Variants in MTUS1 observed in about 807,000 individuals in gnomAD.
The protein encoded by MTUS1 is microtubule associated scaffold protein 1.
MTUS1 carries 109 observed loss-of-function variants against 120.8 expected under a neutral mutation model. The observed-to-expected ratio is 0.90, with a 90% CI of 0.77 to 1.06. MTUS1 has a LOEUF of 1.06. Among genes scored for constraint, MTUS1 ranks in the 50% least tolerant of loss-of-function variants. The pLI, the probability that MTUS1 is intolerant of heterozygous loss-of-function variation, is 0.00. For synonymous variants in MTUS1, 737 were observed against 550.5 expected, an observed-to-expected ratio of 1.34 and a Z score of -4.74; for missense variants, 2,210 against 1,486.3, an observed-to-expected ratio of 1.49 and a Z score of -8.01.
intron 6 of MTUS1, among the ~76,000 whole-genome samples, chr8:17,687,431 T>C (rs181663023): frequency 6.6e-6 from 1 of 152,290 alleles, no homozygotes; most frequent in East Asian, 1.9e-4. Flanking sequence ...TCCTGCAGGA[T>C]TCATTACTAA....
At chr8:17,711,993 C>T (rs1821395930) in intron 6 of MTUS1, among the ~76,000 whole-genome samples, 2 of 152,032 alleles carry the variant, frequency 1.3e-5, no homozygotes, top group Non-Finnish European at 2.9e-5. Flanking sequence ...TCCATGGTGT[C>T]CCAAAACAAT....
intron 1 of MTUS1, among the ~76,000 whole-genome samples, chr8:17,789,613 G>A (rs577743271): frequency 8.5e-5 from 13 of 152,214 alleles, no homozygotes; most frequent in African/African-American, 2.9e-4. Context: ...GTGTAGTTAC[G>A]CAAGTTGGCA....
Position 17,755,393 on chromosome 8 carries a change from C to A in MTUS1, c.415G>T (p.Val139Leu). The A allele has an allele frequency of 1.2e-6, 2 of 1,614,184 alleles. No homozygotes were observed. Among genetic ancestry groups the A allele is most frequent in the Non-Finnish European group, 8.5e-7 (1 of 1,180,024 alleles). The change falls in exon 2 of 15, where the codon GTG (valine) becomes TTG (leucine). Residue 139 changes from valine to leucine, a missense_variant. Coordinates refer to ENST00000693296, the MANE Select transcript of MTUS1 (RefSeq NM_001363059.2). ...TTCAAATTGTCATTAGGCTTCCACA[C>A]AAAAGGCAAAGATGGCTCAACACTC... The part of the protein sequence containing the change: ...GQSVEPSLPF[V>L]WKPNDNLNCA...
chr8:17,653,294 G>T lies in MTUS1; in HGVS notation c.3289-13C>A. ...CATTGATTTGCTTCTAAAACACAAT[G>T]AAATGTGGAACTTAAGTTAACAAGA... On this transcript the variant is annotated splice_polypyrimidine_tract_variant and intron_variant, in intron 11 of 14. Coordinates refer to ENST00000693296, the MANE Select transcript of MTUS1 (RefSeq NM_001363059.2). The T allele has an allele frequency of 6.5e-7, 1 of 1,529,736 alleles. No individual in the cohort carries two copies. Among genetic ancestry groups the T allele is most frequent in the African/African-American group, 1.4e-5 (1 of 71,580 alleles). The allele number at this position is 1,529,736 out of a possible 1,614,324, so 94.8% of individuals were successfully genotyped here.
chr8:17,654,775 G>A lies in MTUS1; in HGVS notation c.3109-109C>T, dbSNP rs908184107. Reference sequence around the variant, plus strand: ...GTCACAGCTTCACAGGTAAGCGTGGGCTCTAGTTTAAAGGCTCCTCAACAC... The same window carrying A: ...GTCACAGCTTCACAGGTAAGCGTGGACTCTAGTTTAAAGGCTCCTCAACAC... On this transcript the variant is annotated intron_variant, in intron 9 of 14. Transcript: ENST00000693296. The A allele has an allele frequency of 2.4e-5, 18 of 741,500 alleles. No homozygotes were observed. The African/African-American group carries it at 3.0e-4, about 12-fold the overall frequency. The allele number at this position is 741,500 out of a possible 1,614,324, so 45.9% of individuals were successfully genotyped here.
intron 1 of MTUS1, among the ~76,000 whole-genome samples, chr8:17,767,919 G>A (rs1209671858): frequency 6.6e-6 from 1 of 152,114 alleles, no homozygotes; most frequent in Non-Finnish European, 1.5e-5. Context: ...GGAGAGACTA[G>A]ACGCACGAAA....
At position 17,656,014 on chromosome 8, in the gene MTUS1, T is replaced by C. The variant is rs765210140; in HGVS notation, c.2957A>G (p.Gln986Arg). ...EKLEKARNEL[Q>R]TVYEAFVQQH... is the part of the protein sequence containing the mutation. ...CTGGACGAATGCTTCATACACTGTT[T>C]GTAACTCATTCCTGGCTTTTTCTAA... is the stretch of plus-strand genomic sequence containing the variant. The change falls in exon 9 of 15, where the codon CAA becomes CGA. Residue 986 changes from glutamine (Q) to arginine (R), a missense_variant. Transcript: ENST00000693296. 6.2e-7 allele frequency: 1 copy of C among 1,614,246 alleles called. No homozygotes were observed. Among genetic ancestry groups the C allele is most frequent in the Non-Finnish European group, 8.5e-7 (1 of 1,180,040 alleles).
intron 3 of MTUS1, among the ~76,000 whole-genome samples, chr8:17,731,136 T>C (rs902114276): frequency 6.6e-6 from 1 of 152,156 alleles, no homozygotes; most frequent in African/African-American, 2.4e-5. Flanking sequence ...CAGGATAGGA[T>C]AGGATAAGGG....
At chr8:17,686,500 A>T (rs1040570252) in intron 6 of MTUS1, among the ~76,000 whole-genome samples, 15 of 152,170 alleles carry the variant, frequency 9.9e-5, no homozygotes, top group African/African-American at 3.6e-4. Flanking sequence ...CATTCTCCTG[A>T]TATCATTTGT....
rs1316506023 is a variant in MTUS1, at chr8:17,644,962, G to C, written c.*964C>G. 1.3e-5 allele frequency: 2 copies of C among 152,392 alleles called. No individual in the cohort carries two copies. Among genetic ancestry groups the C allele is most frequent in the Non-Finnish European group, 2.9e-5 (2 of 68,032 alleles). The allele number at this position is 152,392 out of a possible 1,614,324, so 9.4% of individuals were successfully genotyped here. On this transcript the variant is annotated 3_prime_UTR_variant, in exon 15 of 15. Transcript: ENST00000693296. ...AGGTAAAAGGAAAATGAGAATAATGGGAGGGAAGAAGACAGGTTAAATCTG... is the reference window on the plus strand; with the variant it reads ...AGGTAAAAGGAAAATGAGAATAATGCGAGGGAAGAAGACAGGTTAAATCTG...
rs74881450 is a variant in MTUS1, at chr8:17,751,943, G to A, written c.2091+1774C>T. On this transcript the variant is annotated intron_variant, in intron 2 of 14. Coordinates refer to ENST00000693296, the MANE Select transcript of MTUS1 (RefSeq NM_001363059.2). The stretch of plus-strand genomic sequence containing the variant: ...CCAGTTGATAAGCATATGCGAATAT[G>A]GGACAATCTTTCAAGACTTACAAAG... 3.7e-3 allele frequency among the ~76,000 whole-genome samples: 557 copies of A among 151,136 alleles called. 6 individuals are homozygous for A. The highest frequency in any genetic ancestry group is 0.013 in the African/African-American group (527 of 41,172).
chr8:17,718,737 T>C (rs1234244206), intron 4 of MTUS1, among the ~76,000 whole-genome samples: 1 of 151,932 alleles, frequency 6.6e-6, no homozygotes, highest in African/African-American at 2.4e-5. Flanking sequence ...GAATAACAGA[T>C]TCTCTGGAAT....
At chr8:17,736,094 C>T (rs893466369) in intron 3 of MTUS1, among the ~76,000 whole-genome samples, 4 of 152,158 alleles carry the variant, frequency 2.6e-5, no homozygotes, top group Admixed American at 6.5e-5. Context: ...CACAGAGCAG[C>T]GACTCTAAGC....
At chr8:17,714,214 T>G (rs1426640383) in intron 5 of MTUS1, among the ~76,000 whole-genome samples, 1 of 152,156 alleles carries the variant, frequency 6.6e-6, no homozygotes, top group Non-Finnish European at 1.5e-5. Context: ...CACTGAAGAA[T>G]TCAACCCACT....
chr8:17,752,528 G>C (rs2048278924), intron 2 of MTUS1, among the ~76,000 whole-genome samples: 1 of 152,194 alleles, frequency 6.6e-6, no homozygotes. Context: ...GAGAAGACTG[G>C]TTGTTAAAGC....
At chr8:17,726,726 T>C (rs1175505257) in intron 3 of MTUS1, among the ~76,000 whole-genome samples, 1 of 152,182 alleles carries the variant, frequency 6.6e-6, no homozygotes, top group Non-Finnish European at 1.5e-5. Context: ...CCAGTTTTAC[T>C]TGCTTTAGGA....
At chr8:17,681,226 G>A (rs566618956) in intron 7 of MTUS1, among the ~76,000 whole-genome samples, 6 of 152,232 alleles carry the variant, frequency 3.9e-5, no homozygotes, top group Middle Eastern at 3.4e-3. Flanking sequence ...GAGCCACAGC[G>A]CCCGGCCTGC....
chr8:17,761,377 C>T (rs428315), intron 1 of MTUS1, among the ~76,000 whole-genome samples: 30,332 of 152,008 alleles, frequency 0.2, 3,600 homozygotes, highest in South Asian at 0.49. Context: ...TAGAATTCAT[C>T]ATCATTACCA....
intron 6 of MTUS1, among the ~76,000 whole-genome samples, chr8:17,700,101 G>C (rs191161172): frequency 3.9e-4 from 60 of 152,282 alleles, no homozygotes; most frequent in Non-Finnish European, 7.2e-4. Flanking sequence ...ACCAAGGACA[G>C]TAGAGGAAAA....
Sources: allele counts gnomAD v4.1 joint callset (sites outside exome capture counted in the v4.1 genomes callset), GRCh38; gene constraint gnomAD v4.1.1; transcripts MANE v1.5; gene names NCBI Gene and HGNC (gene_info 2026-07-23, HGNC 2026-07-21).